Variants in DNAH3 observed in about 807,000 individuals in gnomAD.
The protein encoded by DNAH3 is dynein axonemal heavy chain 3.
In DNAH3, 332 loss-of-function variants were observed where a neutral mutation model predicts 432.5. The ratio of observed to expected loss-of-function variants is 0.77; its 90% CI spans 0.70 to 0.84. DNAH3 has a LOEUF of 0.84. Ranked by LOEUF, DNAH3 falls within the 40% of genes least tolerant of loss-of-function variation. The probability of loss-of-function intolerance (pLI) is 0.00; values close to 1 mark genes in which losing one functional copy is unlikely to be tolerated. For missense variants in DNAH3, 4,861 were observed against 5,114.0 expected, an observed-to-expected ratio of 0.95 and a Z score of 1.51; for synonymous variants, 1,956 against 1,900.2, an observed-to-expected ratio of 1.03 and a Z score of -0.76.
chr16:20,980,273 T>TACATCATATATTATAATAC, intron 49 of DNAH3, among the ~76,000 whole-genome samples: 1 of 139,704 alleles, frequency 7.2e-6, no homozygotes, highest in Non-Finnish European at 1.5e-5. Flanking sequence ...TATTATAATA[T>TACATCATATATTATAATAC]ACATCATATA....
chr16:20,958,118 G>C (rs2084657938), intron 54 of DNAH3, among the ~76,000 whole-genome samples: 1 of 151,158 alleles, frequency 6.6e-6, no homozygotes. Context: ...TGTCGCCCAG[G>C]CTGGAGTGCA....
chr16:21,147,704 G>A (rs928461049), intron 1 of DNAH3, among the ~76,000 whole-genome samples: 1 of 152,178 alleles, frequency 6.6e-6, no homozygotes, highest in African/African-American at 2.4e-5. Context: ...TGTGGAGTGA[G>A]CCTCAGGTAA....
rs765859459 is a variant in DNAH3, at chr16:21,086,798, G to A, written c.2877+51C>T. The stretch of plus-strand genomic sequence containing the variant: ...TTTCCTGCCTTCCCAAGGACAGTCA[G>A]GGCCAGGCCTGGGCTGCGCTGCTTG... On this transcript the variant is annotated intron_variant, in intron 19 of 61. Coordinates refer to ENST00000261383, the Ensembl canonical transcript of DNAH3. The A allele has an allele frequency of 2.0e-6, 3 of 1,532,730 alleles. No homozygotes were observed. In the East Asian group the frequency reaches 6.7e-5, roughly 34 times the overall value. The allele number at this position is 1,532,730 out of a possible 1,614,324, so 94.9% of individuals were successfully genotyped here.
chr16:21,045,090 G>A (rs330143), intron 31 of DNAH3, among the ~76,000 whole-genome samples: 18,687 of 151,992 alleles, frequency 0.12, 1,427 homozygotes, highest in African/African-American at 0.2. Flanking sequence ...ATTTTATTGA[G>A]GATTTTTGCA....
At chr16:21,132,256 C>T (rs1209403493) in intron 7 of DNAH3, among the ~76,000 whole-genome samples, 1 of 152,190 alleles carries the variant, frequency 6.6e-6, no homozygotes, top group Non-Finnish European at 1.5e-5. Flanking sequence ...AGACTGAACA[C>T]GTTCAAAGCT....
In DNAH3 at chr16:21,081,630, C is replaced by CCT; in HGVS notation, c.2969+4_2969+5dup. The CCT allele has an allele frequency of 6.2e-7, 1 of 1,612,298 alleles. No individual in the cohort carries two copies. Among genetic ancestry groups the CCT allele is most frequent in the East Asian group, 2.2e-5 (1 of 44,862 alleles). ...ACCTTATCTGAAGGAGGGGATAAGC[C>CCT]CTTACTTTTCAACGAATTTGCCGAA... is the stretch of plus-strand genomic sequence containing the variant. On this transcript the variant is annotated splice_donor_region_variant and intron_variant, in intron 20 of 61. Transcript: ENST00000261383.
chr16:21,136,465 G>T, exon 6 of DNAH3: 3 of 1,614,030 alleles, frequency 1.9e-6, no homozygotes, highest in Non-Finnish European at 2.5e-6. Flanking sequence ...CCCTCCTCAG[G>T]GGCAATCATG....
chr16:21,116,178 C>G (rs563406306), intron 12 of DNAH3, among the ~76,000 whole-genome samples: 1 of 152,314 alleles, frequency 6.6e-6, no homozygotes, highest in South Asian at 2.1e-4. Context: ...TAACAACACT[C>G]TTTTCACTCG....
chr16:21,102,862 T>C (rs1043201069), intron 16 of DNAH3, among the ~76,000 whole-genome samples: 6 of 151,300 alleles, frequency 4.0e-5, no homozygotes, highest in African/African-American at 1.2e-4. Context: ...CCTGGATGGA[T>C]TGAAGACTAT....
chr16:21,134,490 C>T, intron 6 of DNAH3, 36 bp from the exon 8 acceptor site: 1 of 1,581,566 alleles, frequency 6.3e-7, no homozygotes, highest in Admixed American at 1.8e-5. Context: ...CATTATTAAG[C>T]TCTAAGGGTT....
chr16:21,024,069 C>T (rs543736193), intron 39 of DNAH3, among the ~76,000 whole-genome samples: 11 of 152,128 alleles, frequency 7.2e-5, no homozygotes, highest in South Asian at 2.1e-4. Flanking sequence ...GTCAGGTACC[C>T]GCCTAACCCG....
At chr16:20,955,229 AAAG>A (rs1166330201) in intron 54 of DNAH3, among the ~76,000 whole-genome samples, 172 bp from the exon 55 acceptor site, 3 of 152,170 alleles carry the variant, frequency 2.0e-5, no homozygotes, top group Admixed American at 6.6e-5. Flanking sequence ...AAATAACAAA[AAAG>A]AATAGCTATG....
chr16:21,021,940 A>G, intron 40 of DNAH3, 31 bp downstream of exon 40: 2 of 1,611,416 alleles, frequency 1.2e-6, no homozygotes, highest in Non-Finnish European at 1.7e-6. Context: ...CCCACCCCCC[A>G]TGTGGCTTAA....
chr16:20,991,455 G>T (rs1258426198), intron 44 of DNAH3, among the ~76,000 whole-genome samples: 2 of 151,970 alleles, frequency 1.3e-5, no homozygotes, highest in African/African-American at 4.8e-5. Context: ...GTAGAGATGG[G>T]GTTTTGCCAT....
intron 46 of DNAH3, 88 bp from the exon 47 acceptor site, chr16:20,987,536 T>C (rs968376170): frequency 1.3e-5 from 20 of 1,565,022 alleles, no homozygotes; most frequent in South Asian, 1.2e-4. Flanking sequence ...TGGGGTTGAT[T>C]TGAGGATTGA....
intron 26 of DNAH3, among the ~76,000 whole-genome samples, chr16:21,059,712 T>G (rs1341807341): frequency 2.6e-5 from 4 of 151,118 alleles, no homozygotes; most frequent in Admixed American, 2.0e-4. Flanking sequence ...GAGGTGGAGG[T>G]TGCAGTGAGC....
chr16:21,106,504 T>C (rs2091950388), exon 15 of DNAH3: 1 of 1,604,960 alleles, frequency 6.2e-7, no homozygotes, highest in African/African-American at 1.3e-5. Context: ...CAAGTCTGCA[T>C]AGTCCATCAG....
chr16:21,089,879 T>C (rs968230392), intron 18 of DNAH3, among the ~76,000 whole-genome samples: 7 of 151,966 alleles, frequency 4.6e-5, no homozygotes, highest in African/African-American at 1.7e-4. Context: ...AAAAGCTGTT[T>C]CCTTGGAAAA....
intron 29 of DNAH3, among the ~76,000 whole-genome samples, chr16:21,051,097 G>C (rs987117655): frequency 4.6e-5 from 7 of 152,126 alleles, no homozygotes; most frequent in Non-Finnish European, 8.8e-5. Context: ...GATTTTGAAG[G>C]GAGAAAATAC....
Sources: allele counts gnomAD v4.1 joint callset (sites outside exome capture counted in the v4.1 genomes callset), GRCh38; gene constraint gnomAD v4.1.1; transcripts MANE v1.5; gene names NCBI Gene and HGNC (gene_info 2026-07-23, HGNC 2026-07-21).